CAPN2: variants seen among roughly 807,000 people sequenced by gnomAD.
The protein encoded by CAPN2 is calpain 2.
In CAPN2, 92 loss-of-function variants were observed where a neutral mutation model predicts 102.3. The ratio of observed to expected loss-of-function variants is 0.90; its 90% CI spans 0.76 to 1.07. The LOEUF is 1.07. Ranked by LOEUF, CAPN2 falls within the 50% of genes least tolerant of loss-of-function variation. The pLI, the probability that CAPN2 is intolerant of heterozygous loss-of-function variation, is 0.00. For synonymous variants in CAPN2, 340 were observed against 355.4 expected (o/e 0.96, Z 0.49); for missense variants, 800 against 909.4 (o/e 0.88, Z 1.55).
intron 15 of CAPN2, among the ~76,000 whole-genome samples, chr1:223,765,023 A>C (rs1369137645): frequency 6.6e-6 from 1 of 152,214 alleles, no homozygotes; most frequent in Admixed American, 6.5e-5. Context: ...TTATCAAAAG[A>C]ATCACGCTGC....
Position 223,755,903 on chromosome 1 carries a change from C to A in CAPN2, c.1305+254C>A, listed in dbSNP as rs529287684. Reference sequence around the variant, plus strand: ...GCCAGCCTGCAGGGAGTTCCACTCTCAAATGGCCTCCACATCCCTTCTCAC... The same window carrying A: ...GCCAGCCTGCAGGGAGTTCCACTCTAAAATGGCCTCCACATCCCTTCTCAC... On this transcript the variant is annotated intron_variant, in intron 10 of 20. Coordinates refer to ENST00000295006, the MANE Select transcript of CAPN2 (RefSeq NM_001748.5). The surrounding 1 kb of genome is among the most constrained non-coding windows in gnomAD (Gnocchi z 4.1). 1.9e-4 allele frequency among the ~76,000 whole-genome samples: 29 copies of A among 152,358 alleles called. No homozygotes were observed. Among genetic ancestry groups the A allele is most frequent in the South Asian group, 4.1e-4 (2 of 4,824 alleles).
chr1:223,749,364 G>A (rs908723421), intron 6 of CAPN2: 1 of 587,908 alleles, frequency 1.7e-6, no homozygotes, highest in Non-Finnish European at 3.0e-6. Context: ...GGTTTTACTT[G>A]TTTTAGATGT....
At chr1:223,745,599 C>T (rs1021765803) in intron 4 of CAPN2, among the ~76,000 whole-genome samples, 160 bp downstream of exon 4, 5 of 152,132 alleles carry the variant, frequency 3.3e-5, no homozygotes, top group Non-Finnish European at 7.4e-5. Flanking sequence ...GATGAAACCC[C>T]GTCTCTACTA....
At chr1:223,746,761 T>A (rs1276332339) in intron 4 of CAPN2, among the ~76,000 whole-genome samples, 4 of 152,210 alleles carry the variant, frequency 2.6e-5, no homozygotes, top group African/African-American at 9.6e-5. Context: ...ATTACAGGCA[T>A]GAGCTACCGC....
In CAPN2 at chr1:223,717,807, A is replaced by C; in HGVS notation, c.283A>C (p.Thr95Pro). Residue 95 changes from threonine to proline, a missense_variant, in exon 2 of 21, where the codon ACA becomes CCA. Coordinates refer to ENST00000295006, the MANE Select transcript of CAPN2 (RefSeq NM_001748.5). The part of the protein sequence containing the change: ...PQFIIGGATR[T>P]DICQGALGDC... ...GTTTATCATTGGAGGAGCCACCCGCACAGACATCTGCCAAGGAGCCCTGGG... is the reference window on the plus strand; with the variant it reads ...GTTTATCATTGGAGGAGCCACCCGCCCAGACATCTGCCAAGGAGCCCTGGG... 2.5e-6 allele frequency: 4 copies of C among 1,614,096 alleles called. No homozygotes were observed. The highest frequency in any genetic ancestry group is 3.4e-6 in the Non-Finnish European group (4 of 1,179,918).
intron 2 of CAPN2, among the ~76,000 whole-genome samples, chr1:223,737,758 CA>C (rs908104434): frequency 8.4e-6 from 1 of 119,134 alleles, no homozygotes; most frequent in Non-Finnish European, 1.8e-5. Flanking sequence ...TAAAGAAAAA[CA>C]GTCAGTTCTA....
Position 223,725,798 on chromosome 1 carries a change from G to A in CAPN2, c.307+7967G>A, listed in dbSNP as rs1055426421. ...GAGGCCCTTCAGTGCCAAGGAACGT[G>A]GACTCTCTCCTATCCCAGCACATAC... On this transcript the variant is annotated intron_variant, in intron 2 of 20. Transcript: ENST00000295006. This position sits in a 1 kb window ranked among gnomAD's most constrained non-coding sequence, Gnocchi z 4.1. 3.3e-5 allele frequency among the ~76,000 whole-genome samples: 5 copies of A among 152,168 alleles called. No individual in the cohort carries two copies. Among genetic ancestry groups the A allele is most frequent in the African/African-American group, 1.2e-4 (5 of 41,430 alleles).
intron 2 of CAPN2, among the ~76,000 whole-genome samples, chr1:223,729,400 C>T (rs61823980): frequency 0.19 from 28,583 of 152,122 alleles, 3,170 homozygotes; most frequent in African/African-American, 0.32. Flanking sequence ...TGGTGTTAGG[C>T]AGTGTCAACA....
chr1:223,748,722 C>T (rs543455618), intron 5 of CAPN2, among the ~76,000 whole-genome samples: 1 of 151,042 alleles, frequency 6.6e-6, no homozygotes, highest in African/African-American at 2.5e-5. Flanking sequence ...AGCCCTCTCT[C>T]GGCCGTGCGC....
At chr1:223,712,300 G>A (rs1659748861), upstream of CAPN2, 7 of 260,042 alleles carry the variant, frequency 2.7e-5, no homozygotes, top group Non-Finnish European at 3.6e-5. Context: ...GGGTTCCGGT[G>A]GGAGCCCCAA....
chr1:223,763,831 T>C (rs1453668771), intron 14 of CAPN2, among the ~76,000 whole-genome samples: 2 of 152,122 alleles, frequency 1.3e-5, no homozygotes, highest in African/African-American at 4.8e-5. Flanking sequence ...TCCCAGCACT[T>C]TGGGAGGCTG....
At chr1:223,761,929 G>A (rs1398122949) in intron 13 of CAPN2, among the ~76,000 whole-genome samples, 1 of 152,160 alleles carries the variant, frequency 6.6e-6, no homozygotes, top group Non-Finnish European at 1.5e-5. Context: ...GGATGCTAGA[G>A]AAGATACCTC....
At chr1:223,732,018 T>C (rs1660349552) in intron 2 of CAPN2, among the ~76,000 whole-genome samples, 1 of 152,186 alleles carries the variant, frequency 6.6e-6, no homozygotes, top group Non-Finnish European at 1.5e-5. Flanking sequence ...GAGGGGGCTC[T>C]TGCTCTAAAG....
chr1:223,752,883 G>T lies in CAPN2; in HGVS notation c.1062G>T (p.Lys354Asn). ...TPDTLTSDTY[K>N]KWKLTKMDGN... ...ACACTCTCACCAGCGATACCTACAA[G>T]AAGTGGAAACTCACCAAAATGGATG... The change falls in exon 9 of 21, where the codon AAG (lysine) becomes AAT (asparagine). Residue 354 changes from lysine (K) to asparagine (N), a missense_variant. Physicochemically the swap from Lys to Asn is moderately conservative, Grantham distance 94. Transcript: ENST00000295006. 1 of 1,614,206 alleles carries T rather than the reference G, an allele frequency of 6.2e-7. No individual in the cohort carries two copies. Among genetic ancestry groups the T allele is most frequent in the Non-Finnish European group, 8.5e-7 (1 of 1,180,026 alleles).
In CAPN2 at chr1:223,731,692, C is replaced by T. The variant is rs1026645286; in HGVS notation, c.308-12408C>T. ...GAGACTAGATTGGAGGGGAAAGAGA[C>T]ATGTCCTCCAGAGTTGACTTACGCG... On this transcript the variant is annotated intron_variant, in intron 2 of 20. Coordinates refer to ENST00000295006, the MANE Select transcript of CAPN2 (RefSeq NM_001748.5). The surrounding 1 kb of genome is among the most constrained non-coding windows in gnomAD (Gnocchi z 4.2). 4.6e-5 allele frequency among the ~76,000 whole-genome samples: 7 copies of T among 152,210 alleles called. No individual in the cohort carries two copies. The highest frequency in any genetic ancestry group is 1.7e-4 in the African/African-American group (7 of 41,448).
In CAPN2 at chr1:223,712,760, G is replaced by A; in HGVS notation, c.120G>A (p.Leu40=). ...ACGAGGCGCTGCGGAACGAGTGCCT[G>A]GAGGCCGGGACGCTCTTCCAGGACC... ...QDYEALRNEC[L]EAGTLFQDPS... is the part of the protein sequence containing the mutation. Residue 40 remains leucine (L), a synonymous_variant, in exon 1 of 21, where the codon CTG becomes CTA. Transcript: ENST00000295006. 2 of 1,581,482 alleles carry A rather than the reference G, an allele frequency of 1.3e-6. No individual in the cohort carries two copies. Among genetic ancestry groups the A allele is most frequent in the Non-Finnish European group, 1.7e-6 (2 of 1,165,976 alleles).
At chr1:223,738,397 T>G (rs2102790741) in intron 2 of CAPN2, among the ~76,000 whole-genome samples, 1 of 152,294 alleles carries the variant, frequency 6.6e-6, no homozygotes, top group East Asian at 1.9e-4. Flanking sequence ...CTTGAAATCC[T>G]GAGGGCTCAA....
Position 223,755,888 on chromosome 1 carries a change from A to C in CAPN2, c.1305+239A>C, listed in dbSNP as rs1319830580. ...CACGGGCCCCCCACAGCCAGCCTGC[A>C]GGGAGTTCCACTCTCAAATGGCCTC... On this transcript the variant is annotated intron_variant, in intron 10 of 20. Transcript: ENST00000295006. The surrounding 1 kb of genome is among the most constrained non-coding windows in gnomAD (Gnocchi z 4.1). Among the ~76,000 whole-genome samples the C allele has an allele frequency of 6.6e-6, 1 of 152,230 alleles. No homozygotes were observed. The highest frequency in any genetic ancestry group is 1.5e-5 in the Non-Finnish European group (1 of 68,030).
At chr1:223,747,281 A>G in intron 5 of CAPN2, 116 bp downstream of exon 5, 1 of 1,023,026 alleles carries the variant, frequency 9.8e-7, no homozygotes, top group Non-Finnish European at 1.4e-6. Flanking sequence ...GCCCTCGTCC[A>G]CGTAGGGGCC....
Sources: allele counts gnomAD v4.1 joint callset (sites outside exome capture counted in the v4.1 genomes callset), GRCh38; gene constraint gnomAD v4.1.1; non-coding constraint Gnocchi (gnomAD v3.1); transcripts MANE v1.5; gene names NCBI Gene and HGNC (gene_info 2026-07-23, HGNC 2026-07-21).